VAV3: variants seen among roughly 807,000 people sequenced by gnomAD.
VAV3 encodes the protein guanine nucleotide exchange factor VAV3.
Under a neutral mutation model 131.2 loss-of-function variants are expected in VAV3, and 94 were observed. The ratio of observed to expected loss-of-function variants is 0.72; its 90% CI spans 0.61 to 0.85. The LOEUF (loss-of-function observed/expected upper bound fraction) is 0.85. Among genes scored for constraint, VAV3 ranks in the 40% least tolerant of loss-of-function variants. VAV3 has a pLI of 0.00. For synonymous variants in VAV3, 349 were observed against 342.0 expected (o/e 1.02, Z -0.22); for missense variants, 939 against 1,002.7 (o/e 0.94, Z 0.86).
chr1:107,672,847 CCTAT>C (rs1657917645), intron 19 of VAV3, among the ~76,000 whole-genome samples: 1 of 152,064 alleles, frequency 6.6e-6, no homozygotes, highest in South Asian at 2.1e-4. Flanking sequence ...CTATTATTTT[CCTAT>C]CTAATGACTT....
chr1:107,600,427 C>T (rs891970168), intron 24 of VAV3, among the ~76,000 whole-genome samples: 5 of 152,030 alleles, frequency 3.3e-5, no homozygotes, highest in Non-Finnish European at 7.3e-5. Context: ...TAGTCCCTTC[C>T]CTTTAACACG....
At chr1:107,591,574 C>G (rs1570573301) in intron 25 of VAV3, among the ~76,000 whole-genome samples, 1 of 152,130 alleles carries the variant, frequency 6.6e-6, no homozygotes, top group Non-Finnish European at 1.5e-5. Context: ...ATGTCTGAAG[C>G]AGGCAAAAGA....
intron 1 of VAV3, among the ~76,000 whole-genome samples, chr1:107,876,361 CAG>C (rs1283117431): frequency 1.3e-5 from 2 of 152,024 alleles, no homozygotes; most frequent in African/African-American, 4.8e-5. Context: ...GAAGTGAAGA[CAG>C]AATATAGACT....
intron 15 of VAV3, among the ~76,000 whole-genome samples, chr1:107,723,367 G>A (rs1661620605): frequency 6.6e-6 from 1 of 151,912 alleles, no homozygotes; most frequent in African/African-American, 2.4e-5. Context: ...CACCTTCAGG[G>A]TTGTCTTCCC....
At chr1:107,827,124 T>A (rs1025379255) in intron 2 of VAV3, among the ~76,000 whole-genome samples, 2 of 152,196 alleles carry the variant, frequency 1.3e-5, no homozygotes, top group Non-Finnish European at 2.9e-5. Flanking sequence ...ATCTACCTGT[T>A]TTCTACCCTG....
chr1:107,880,782 T>C (rs555391686), intron 1 of VAV3, among the ~76,000 whole-genome samples: 100 of 142,478 alleles, frequency 7.0e-4, no homozygotes, highest in Non-Finnish European at 1.2e-3. Flanking sequence ...GGCAACAAAG[T>C]GAGATTCTGT....
chr1:107,874,425 C>T (rs1416242888), intron 2 of VAV3, among the ~76,000 whole-genome samples: 2 of 152,060 alleles, frequency 1.3e-5, no homozygotes, highest in African/African-American at 2.4e-5. Context: ...TCTGAGTCAC[C>T]CAACCAAGTA....
intron 19 of VAV3, among the ~76,000 whole-genome samples, chr1:107,643,427 C>A (rs1053799327): frequency 5.9e-5 from 9 of 152,166 alleles, no homozygotes; most frequent in African/African-American, 2.2e-4. Context: ...GGCCTCAGTT[C>A]ACGATTTCAT....
At chr1:107,849,186 T>C (rs961712704) in intron 2 of VAV3, among the ~76,000 whole-genome samples, 1 of 151,718 alleles carries the variant, frequency 6.6e-6, no homozygotes, top group Non-Finnish European at 1.5e-5. Context: ...CCTATTAAGC[T>C]ACCATTGACT....
At chr1:107,873,443 G>A (rs1670341811) in intron 2 of VAV3, among the ~76,000 whole-genome samples, 1 of 151,936 alleles carries the variant, frequency 6.6e-6, no homozygotes, top group African/African-American at 2.4e-5. Context: ...CCAAAAGAGA[G>A]GGTGAAAATA....
chr1:107,761,783 C>T (rs918126586), intron 9 of VAV3, among the ~76,000 whole-genome samples: 3 of 151,972 alleles, frequency 2.0e-5, no homozygotes, highest in Non-Finnish European at 4.4e-5. Context: ...GCTGTATGCC[C>T]CTAAGAATGT....
chr1:107,890,184 A>G (rs760316857), intron 1 of VAV3, among the ~76,000 whole-genome samples: 73 of 152,316 alleles, frequency 4.8e-4, no homozygotes, highest in Non-Finnish European at 8.5e-4. Flanking sequence ...ATTTGTGTAC[A>G]TATATCGGAG....
intron 1 of VAV3, among the ~76,000 whole-genome samples, chr1:107,936,354 A>C (rs1261345223): frequency 6.6e-6 from 1 of 152,226 alleles, no homozygotes; most frequent in East Asian, 1.9e-4. Context: ...GCATAGTGTT[A>C]GAATTACAAT....
intron 2 of VAV3, among the ~76,000 whole-genome samples, chr1:107,868,114 G>C (rs1670086469): frequency 6.6e-6 from 1 of 152,172 alleles, no homozygotes; most frequent in Admixed American, 6.5e-5. Flanking sequence ...CACACTAGCA[G>C]ACAGAGAGAT....
chr1:107,767,998 A>C (rs578008925), intron 7 of VAV3, among the ~76,000 whole-genome samples: 3 of 152,380 alleles, frequency 2.0e-5, no homozygotes, highest in African/African-American at 7.2e-5. Context: ...AACTGGAAGT[A>C]GAAAGCACCA....
intron 18 of VAV3, among the ~76,000 whole-genome samples, chr1:107,685,186 T>C (rs1261246811): frequency 6.6e-6 from 1 of 152,184 alleles, no homozygotes; most frequent in Non-Finnish European, 1.5e-5. Context: ...CTCTGTGTTC[T>C]TACACCTTGA....
At chr1:107,762,411 G>T (rs1316694418) in intron 9 of VAV3, among the ~76,000 whole-genome samples, 2 of 152,134 alleles carry the variant, frequency 1.3e-5, no homozygotes, top group African/African-American at 4.8e-5. Context: ...ATGAATTGGG[G>T]ACACATCCTG....
In VAV3 at chr1:107,964,997, G is replaced by A; in HGVS notation, c.-128C>T. 1.3e-6 allele frequency: 1 copy of A among 781,972 alleles called. No homozygotes were observed. The highest frequency in any genetic ancestry group is 1.6e-6 in the Non-Finnish European group (1 of 611,168). The allele number at this position is 781,972 out of a possible 1,614,324, so 48.4% of individuals were successfully genotyped here. ...GCCGGCCCTTTCCCCGCGCGGGATCGAGGGAGCAGGAGCCGCGGCTGACGG... is the reference window on the plus strand; with the variant it reads ...GCCGGCCCTTTCCCCGCGCGGGATCAAGGGAGCAGGAGCCGCGGCTGACGG... On this transcript the variant is annotated 5_prime_UTR_variant, in exon 1 of 27. Coordinates refer to ENST00000370056, the MANE Select transcript of VAV3 (RefSeq NM_006113.5).
At chr1:107,799,325 A>G (rs1666718123) in intron 2 of VAV3, among the ~76,000 whole-genome samples, 1 of 151,652 alleles carries the variant, frequency 6.6e-6, no homozygotes, top group Non-Finnish European at 1.5e-5. Flanking sequence ...AAAAAAAAAA[A>G]GACACCAGGT....
Sources: gnomAD v4.1 joint callset for allele counts (sites outside exome capture counted in the v4.1 genomes callset) on GRCh38, gnomAD v4.1.1 for gene constraint, MANE v1.5 for transcripts, NCBI Gene and HGNC (gene_info 2026-07-23, HGNC 2026-07-21) for gene names.